TRMT11: variants seen among roughly 807,000 people sequenced by gnomAD.
TRMT11 encodes tRNA (guanine(10)-N(2))-methyltransferase TRMT11.
TRMT11 carries 53 observed loss-of-function variants against 62.8 expected under a neutral mutation model. That is an observed-to-expected ratio of 0.84 (90% confidence interval 0.68 to 1.06). The LOEUF is 1.06. TRMT11 is among the 50% of genes least tolerant of loss of function. The probability of loss-of-function intolerance (pLI) is 0.00; values close to 1 mark genes in which losing one functional copy is unlikely to be tolerated. For synonymous variants in TRMT11, 188 were observed against 190.3 expected, an observed-to-expected ratio of 0.99 and a Z score of 0.10; for missense variants, 556 against 553.4, an observed-to-expected ratio of 1.00 and a Z score of -0.05.
chr6:126,263,809 T>A, the TRMT11 span, among the ~76,000 whole-genome samples: 1 of 152,284 alleles, frequency 6.6e-6, no homozygotes, highest in East Asian at 1.9e-4. Flanking sequence ...AACTCTGAAG[T>A]TTCTCAAACC....
intron 3 of TRMT11, among the ~76,000 whole-genome samples, chr6:125,997,559 G>A (rs1040928460): frequency 2.0e-5 from 3 of 152,274 alleles, no homozygotes; most frequent in African/African-American, 7.2e-5. Context: ...CCATGCTGGA[G>A]TGCGGTGACA....
At chr6:125,987,420 TAAG>T (rs1244860442) in intron 1 of TRMT11, among the ~76,000 whole-genome samples, 2 of 152,268 alleles carry the variant, frequency 1.3e-5, no homozygotes, top group East Asian at 3.9e-4. Context: ...GGCAGAGTGG[TAAG>T]AAGAGAGCAA....
intron 12 of TRMT11, among the ~76,000 whole-genome samples, chr6:126,027,990 T>A (rs1220866180): frequency 6.6e-6 from 1 of 152,204 alleles, no homozygotes; most frequent in Non-Finnish European, 1.5e-5. Context: ...CATATTAGAA[T>A]GATAGTAGTG....
intron 12 of TRMT11, among the ~76,000 whole-genome samples, chr6:126,027,573 A>G (rs1773417501): frequency 6.6e-6 from 1 of 152,230 alleles, no homozygotes. Flanking sequence ...AAGTATGGGT[A>G]CGTTTAATTC....
At chr6:126,219,715 TA>T in the TRMT11 span, among the ~76,000 whole-genome samples, 3 of 152,362 alleles carry the variant, frequency 2.0e-5, no homozygotes, top group African/African-American at 7.2e-5. Context: ...CCTCTCTCAC[TA>T]TATGGTCAAC....
intron 1 of TRMT11, among the ~76,000 whole-genome samples, chr6:126,184,698 G>T (rs1488693486): frequency 6.6e-6 from 1 of 152,166 alleles, no homozygotes; most frequent in East Asian, 1.9e-4. Flanking sequence ...CTGAAGGAAA[G>T]TAGCTGAGAA....
chr6:126,135,709 C>G (rs1289076649), intron 21 of TRMT11, among the ~76,000 whole-genome samples: 1 of 151,732 alleles, frequency 6.6e-6, no homozygotes, highest in Admixed American at 6.6e-5. Context: ...GCCAGTATCC[C>G]TGATGAACAC....
the TRMT11 span, among the ~76,000 whole-genome samples, chr6:126,256,073 A>G: frequency 6.6e-6 from 1 of 152,202 alleles, no homozygotes; most frequent in African/African-American, 2.4e-5. Context: ...TGGAGGATCC[A>G]TATCAAAGGT....
intron 1 of TRMT11, among the ~76,000 whole-genome samples, chr6:126,183,054 C>A (rs11966458): frequency 0.083 from 12,641 of 152,138 alleles, 1,738 homozygotes; most frequent in African/African-American, 0.29. Context: ...ATCCCTCCAA[C>A]ACCACCCACC....
At chr6:125,989,121 A>ATTT (rs1358570781) in intron 1 of TRMT11, among the ~76,000 whole-genome samples, 1 of 120,314 alleles carries the variant, frequency 8.3e-6, no homozygotes, top group South Asian at 2.7e-4. Context: ...AGGAGTTTGG[A>ATTT]TTCTTTTTTT....
chr6:126,256,514 C>G, the TRMT11 span, among the ~76,000 whole-genome samples: 2 of 152,308 alleles, frequency 1.3e-5, no homozygotes, highest in African/African-American at 4.8e-5. Flanking sequence ...TGTGTTTCTT[C>G]AAGTACAGCT....
intron 12 of TRMT11, among the ~76,000 whole-genome samples, chr6:126,031,225 G>A (rs761558598): frequency 2.6e-5 from 4 of 151,902 alleles, no homozygotes; most frequent in Non-Finnish European, 4.4e-5. Flanking sequence ...ATGAGAAATA[G>A]GAAAAAAAGC....
chr6:126,249,544 A>G, the TRMT11 span, among the ~76,000 whole-genome samples: 1 of 152,194 alleles, frequency 6.6e-6, no homozygotes, highest in Non-Finnish European at 1.5e-5. Context: ...GACAAGTGTT[A>G]TAAAATTGTG....
At chr6:126,219,940 C>T in the TRMT11 span, among the ~76,000 whole-genome samples, 2 of 152,242 alleles carry the variant, frequency 1.3e-5, no homozygotes, top group South Asian at 4.1e-4. Flanking sequence ...GTGGTAACAG[C>T]CCCCCAAATC....
chr6:126,229,735 T>G, the TRMT11 span, among the ~76,000 whole-genome samples: 1 of 152,226 alleles, frequency 6.6e-6, no homozygotes, highest in Non-Finnish European at 1.5e-5. Flanking sequence ...CTTTCCTACC[T>G]TAGTCGGCCT....
chr6:126,262,901 T>A, the TRMT11 span, among the ~76,000 whole-genome samples: 2 of 152,140 alleles, frequency 1.3e-5, no homozygotes, highest in African/African-American at 4.8e-5. Context: ...TTCAGCATAC[T>A]TCCTAAGTCT....
chr6:126,161,845 G>T (rs964523495), intron 21 of TRMT11, among the ~76,000 whole-genome samples: 5 of 152,094 alleles, frequency 3.3e-5, no homozygotes, highest in Non-Finnish European at 5.9e-5. Flanking sequence ...GTGATGATGA[G>T]CTTTTTTTTC....
chr6:126,019,622 C>G (rs1020604928), intron 11 of TRMT11, among the ~76,000 whole-genome samples: 3 of 152,122 alleles, frequency 2.0e-5, no homozygotes, highest in Non-Finnish European at 4.4e-5. Context: ...CAAACTGTTT[C>G]CAGCATCTAT....
At chr6:126,040,637 C>T (rs536090329), downstream of TRMT11, among the ~76,000 whole-genome samples, 1 of 152,034 alleles carries the variant, frequency 6.6e-6, no homozygotes, top group Admixed American at 6.6e-5. Context: ...TATCACCTAG[C>T]AAATTGCCTG....
Sources: allele counts gnomAD v4.1 joint callset (sites outside exome capture counted in the v4.1 genomes callset), GRCh38; gene constraint gnomAD v4.1.1; transcripts MANE v1.5; gene names NCBI Gene and HGNC (gene_info 2026-07-23, HGNC 2026-07-21).